The following RFX8 variants were observed in gnomAD, a reference collection of about 807,000 sequenced individuals.
RFX8 encodes DNA-binding protein RFX8.
RFX8 carries 46 observed loss-of-function variants against 54.6 expected under a neutral mutation model. The observed-to-expected ratio is 0.84, with a 90% CI of 0.67 to 1.08. The LOEUF is 1.08. RFX8 is among the 50% of genes least tolerant of loss of function. RFX8 has a pLI of 0.00. For synonymous variants in RFX8, 192 were observed against 209.5 expected (o/e 0.92, Z 0.72); for missense variants, 536 against 562.3 (o/e 0.95, Z 0.47).
At chr2:101,410,796 T>C in intron 8 of RFX8, 83 bp from the exon 9 acceptor site, 2 of 710,600 alleles carry the variant, frequency 2.8e-6, no homozygotes, top group East Asian at 5.4e-5. Context: ...CTGGGTAACC[T>C]GGAAACATCA....
At chr2:101,451,026 C>A (rs1053799070) in intron 2 of RFX8, among the ~76,000 whole-genome samples, 1 of 152,038 alleles carries the variant, frequency 6.6e-6, no homozygotes, top group East Asian at 1.9e-4. Flanking sequence ...ACCCATTAAC[C>A]TTTTTCAGGT....
intron 2 of RFX8, among the ~76,000 whole-genome samples, chr2:101,424,028 C>A (rs939210749): frequency 6.6e-6 from 1 of 152,138 alleles, no homozygotes; most frequent in Non-Finnish European, 1.5e-5. Flanking sequence ...ACTACGCACA[C>A]AATATTATGA....
intron 2 of RFX8, among the ~76,000 whole-genome samples, chr2:101,423,217 C>A (rs543313575): frequency 1.1e-4 from 16 of 149,330 alleles, no homozygotes; most frequent in African/African-American, 4.0e-4. Flanking sequence ...AAGATCACGC[C>A]ACTGCACTCT....
At chr2:101,410,485 C>T (rs1686060778) in intron 9 of RFX8, 134 bp downstream of exon 9, 7 of 619,706 alleles carry the variant, frequency 1.1e-5, no homozygotes, top group South Asian at 2.0e-5. Flanking sequence ...ATCCCCTGCC[C>T]TCACACCCAG....
chr2:101,446,326 C>A (rs956545077), intron 2 of RFX8, among the ~76,000 whole-genome samples: 1 of 152,138 alleles, frequency 6.6e-6, no homozygotes, highest in Non-Finnish European at 1.5e-5. Context: ...CAGGCACGTG[C>A]CACCACACCT....
chr2:101,471,021 T>G (rs1689955227), intron 1 of RFX8, among the ~76,000 whole-genome samples: 1 of 146,470 alleles, frequency 6.8e-6, no homozygotes, highest in African/African-American at 2.5e-5. Context: ...GCCCGGCCTC[T>G]GAGTACTCTT....
chr2:101,407,430 G>A (rs1286815020), intron 9 of RFX8, among the ~76,000 whole-genome samples: 2 of 152,220 alleles, frequency 1.3e-5, no homozygotes, highest in Non-Finnish European at 2.9e-5. Flanking sequence ...GGTGGCTCAC[G>A]CCTATAATCC....
intron 11 of RFX8, 50 bp from the exon 12 acceptor site, chr2:101,397,774 ATTCCTTGT>A (rs1209379418): frequency 6.9e-7 from 1 of 1,442,188 alleles, no homozygotes; most frequent in African/African-American, 1.4e-5. Context: ...GACAGATACT[ATTCCTTGT>A]TGCAGGAACT....
At chr2:101,399,707 A>C (rs1360300874) in intron 11 of RFX8, among the ~76,000 whole-genome samples, 2 of 152,228 alleles carry the variant, frequency 1.3e-5, no homozygotes, top group African/African-American at 4.8e-5. Flanking sequence ...TTTAAACCTC[A>C]TAATGTTCCT....
intron 2 of RFX8, among the ~76,000 whole-genome samples, chr2:101,423,187 A>G: frequency 6.6e-6 from 1 of 151,030 alleles, no homozygotes; most frequent in East Asian, 1.9e-4. Flanking sequence ...GAGCCCGGGA[A>G]ATGGAGGTTG....
intron 2 of RFX8, among the ~76,000 whole-genome samples, chr2:101,462,320 C>A (rs1461635781): frequency 6.6e-6 from 1 of 152,084 alleles, no homozygotes; most frequent in Non-Finnish European, 1.5e-5. Flanking sequence ...GTCCCAGCTA[C>A]TTGGGAGACT....
intron 1 of RFX8, among the ~76,000 whole-genome samples, chr2:101,472,967 C>G (rs978068480): frequency 6.6e-6 from 1 of 151,870 alleles, no homozygotes; most frequent in Non-Finnish European, 1.5e-5. Flanking sequence ...CACAGTGAAC[C>G]AAGATCGTGC....
intron 2 of RFX8, among the ~76,000 whole-genome samples, chr2:101,437,558 G>C (rs1405423792): frequency 6.6e-6 from 1 of 151,492 alleles, no homozygotes; most frequent in Non-Finnish European, 1.5e-5. Context: ...ACTCCAGCCT[G>C]GGCAACAGGT....
chr2:101,472,203 C>T lies in RFX8; in HGVS notation c.-53+2433G>A, dbSNP rs548454278. ...ACAACCTCCACCTCCCAGGTTCAAG[C>T]GATTCTTCTGCCTCAGCCTTCAGAG... is the stretch of plus-strand genomic sequence containing the variant. On this transcript the variant is annotated intron_variant, in intron 1 of 11. Coordinates refer to ENST00000428343, the MANE Select transcript of RFX8 (RefSeq NM_001145664.2). Among the ~76,000 whole-genome samples the T allele has an allele frequency of 1.3e-3, 197 of 152,256 alleles. 1 individual carries two copies. The highest frequency in any genetic ancestry group is 4.5e-3 in the African/African-American group (186 of 41,582).
intron 2 of RFX8, among the ~76,000 whole-genome samples, chr2:101,456,361 G>A (rs1688961878): frequency 6.6e-6 from 1 of 152,130 alleles, no homozygotes; most frequent in Admixed American, 6.6e-5. Flanking sequence ...GTCATAAATA[G>A]CTCTTCTTAT....
chr2:101,469,302 G>A (rs1449994664), intron 1 of RFX8, among the ~76,000 whole-genome samples: 1 of 133,240 alleles, frequency 7.5e-6, no homozygotes, highest in African/African-American at 2.7e-5. Context: ...CTACAGGCGT[G>A]TGACCATGTC....
At chr2:101,400,227 C>G (rs961527981) in intron 11 of RFX8, among the ~76,000 whole-genome samples, 3 of 152,208 alleles carry the variant, frequency 2.0e-5, no homozygotes, top group African/African-American at 7.2e-5. Flanking sequence ...TAACATTCTC[C>G]GCTTGGCTGA....
intron 2 of RFX8, among the ~76,000 whole-genome samples, chr2:101,434,594 T>C (rs1687667964): frequency 6.6e-6 from 1 of 152,086 alleles, no homozygotes; most frequent in Non-Finnish European, 1.5e-5. Context: ...GATGGGCAAG[T>C]GAGCGATAAA....
intron 1 of RFX8, among the ~76,000 whole-genome samples, chr2:101,468,161 C>G (rs1689683949): frequency 6.6e-6 from 1 of 152,152 alleles, no homozygotes; most frequent in South Asian, 2.1e-4. Context: ...AATCTCTGGC[C>G]CTGCAATGCT....
Sources: gnomAD v4.1 joint callset for allele counts (sites outside exome capture counted in the v4.1 genomes callset) on GRCh38, gnomAD v4.1.1 for gene constraint, MANE v1.5 for transcripts, NCBI Gene and HGNC (gene_info 2026-07-23, HGNC 2026-07-21) for gene names.